Variants in CNTNAP2 observed in about 807,000 individuals in gnomAD.
CNTNAP2 encodes contactin associated protein 2, also known as contactin-associated protein-like 2.
Under a neutral mutation model 155.2 loss-of-function variants are expected in CNTNAP2, and 98 were observed. That is an observed-to-expected ratio of 0.63 (90% confidence interval 0.54 to 0.75). The LOEUF is 0.75. CNTNAP2 is among the 30% of genes least tolerant of loss of function. The probability of loss-of-function intolerance (pLI) is 0.00; values close to 1 mark genes in which losing one functional copy is unlikely to be tolerated. For missense variants in CNTNAP2, 1,727 were observed against 1,688.1 expected, an observed-to-expected ratio of 1.02 and a Z score of -0.40; for synonymous variants, 651 against 631.2, an observed-to-expected ratio of 1.03 and a Z score of -0.47.
intron 1 of CNTNAP2, among the ~76,000 whole-genome samples, chr7:146,319,360 A>G (rs1202418793): frequency 6.6e-6 from 1 of 152,186 alleles, no homozygotes; most frequent in Non-Finnish European, 1.5e-5. Flanking sequence ...TCACTGTCAT[A>G]TCATCATTTT....
At chr7:147,827,127 T>C (rs1023497976) in intron 13 of CNTNAP2, among the ~76,000 whole-genome samples, 6 of 152,080 alleles carry the variant, frequency 3.9e-5, no homozygotes, top group Non-Finnish European at 8.8e-5. Context: ...AGATGGGGTT[T>C]CGCCATTCAC....
At chr7:146,855,579 G>A (rs1057135018) in intron 3 of CNTNAP2, among the ~76,000 whole-genome samples, 12 of 151,808 alleles carry the variant, frequency 7.9e-5, no homozygotes, top group Non-Finnish European at 1.6e-4. Flanking sequence ...AAAGTACAAA[G>A]AGCGTTTATT....
At chr7:147,113,717 C>T (rs1383579672) in intron 5 of CNTNAP2, among the ~76,000 whole-genome samples, 9 of 152,104 alleles carry the variant, frequency 5.9e-5, no homozygotes, top group South Asian at 2.1e-4. Context: ...ATTCAAGATA[C>T]GATTTGGGTG....
chr7:147,091,309 T>C (rs1377619527), intron 4 of CNTNAP2, among the ~76,000 whole-genome samples: 1 of 152,046 alleles, frequency 6.6e-6, no homozygotes. Flanking sequence ...ACTACGTATT[T>C]CTTCGGTCAT....
chr7:146,286,799 C>G (rs930153110), intron 1 of CNTNAP2, among the ~76,000 whole-genome samples: 1 of 152,092 alleles, frequency 6.6e-6, no homozygotes, highest in Non-Finnish European at 1.5e-5. Context: ...TTCTTTAAAT[C>G]TATATGTAAT....
intron 3 of CNTNAP2, among the ~76,000 whole-genome samples, chr7:146,994,197 G>A (rs1163759396): frequency 6.6e-6 from 1 of 151,894 alleles, no homozygotes; most frequent in Non-Finnish European, 1.5e-5. Context: ...AGGGAGCTGG[G>A]TTTTGATTTT....
intron 2 of CNTNAP2, among the ~76,000 whole-genome samples, chr7:146,779,485 A>G (rs1474252505): frequency 1.3e-5 from 2 of 152,138 alleles, no homozygotes; most frequent in African/African-American, 4.8e-5. Context: ...TGCCTTTTTG[A>G]ATTAGCCCAA....
rs569362502 is a variant in CNTNAP2, at chr7:146,743,284, C to CT, written c.98-30985dup. On this transcript the variant is annotated intron_variant, in intron 1 of 23. Coordinates refer to ENST00000361727, the MANE Select transcript of CNTNAP2 (RefSeq NM_014141.6). The stretch of plus-strand genomic sequence containing the variant: ...CAAACAGGTATTCTATGACAAGGGA[C>CT]TTGAAAAGGTGGTGTGTTTGTGTCC... 3.7e-3 allele frequency among the ~76,000 whole-genome samples: 557 copies of CT among 152,206 alleles called. 2 individuals are homozygous for CT. Among genetic ancestry groups the CT allele is most frequent in the African/African-American group, 0.013 (523 of 41,538 alleles).
chr7:146,481,367 C>G (rs147981411), intron 1 of CNTNAP2, among the ~76,000 whole-genome samples: 100 of 152,300 alleles, frequency 6.6e-4, no homozygotes, highest in Admixed American at 2.0e-3. Context: ...AGAAACAGAT[C>G]TGGAGTTTAA....
rs1422768986 is a variant in CNTNAP2, at chr7:148,061,955, AT to A, written c.2384-56162del. 9.1e-3 allele frequency among the ~76,000 whole-genome samples: 180 copies of A among 19,694 alleles called. 1 individual carries two copies. Among genetic ancestry groups the A allele is most frequent in the African/African-American group, 0.032 (157 of 4,966 alleles). The allele number at this position is 19,694 out of a possible 152,430, so 12.9% of individuals were successfully genotyped here. On this transcript the variant is annotated intron_variant, in intron 15 of 23. Transcript: ENST00000361727. ...TAGATAGATAGATAGATAAACAGAT[AT>A]AGATAGATAGATAGATAGATAGATA...
intron 4 of CNTNAP2, among the ~76,000 whole-genome samples, chr7:147,095,186 A>ATTTTTTTTTTTT (rs36113270): frequency 4.4e-5 from 5 of 114,520 alleles, no homozygotes; most frequent in African/African-American, 9.6e-5. Flanking sequence ...CGCCTGGCTA[A>ATTTTTTTTTTTT]TTTTTTTTTT....
At chr7:146,455,270 A>G (rs1026636695) in intron 1 of CNTNAP2, among the ~76,000 whole-genome samples, 1 of 152,222 alleles carries the variant, frequency 6.6e-6, no homozygotes, top group Non-Finnish European at 1.5e-5. Context: ...TTATGCTTGA[A>G]AAGAAATATT....
intron 8 of CNTNAP2, among the ~76,000 whole-genome samples, chr7:147,247,178 A>G (rs1804087021): frequency 6.6e-6 from 1 of 152,230 alleles, no homozygotes; most frequent in African/African-American, 2.4e-5. Context: ...TACATTAAAG[A>G]TAATTTCTTG....
intron 2 of CNTNAP2, among the ~76,000 whole-genome samples, chr7:146,836,951 G>A (rs1324418888): frequency 6.6e-6 from 1 of 151,466 alleles, no homozygotes; most frequent in Non-Finnish European, 1.5e-5. Flanking sequence ...TTGTCATTTG[G>A]CTTGCATTAT....
chr7:148,372,566 G>A (rs866279305), intron 21 of CNTNAP2, among the ~76,000 whole-genome samples: 2 of 152,100 alleles, frequency 1.3e-5, no homozygotes, highest in South Asian at 4.2e-4. Flanking sequence ...AAATTAGCCT[G>A]GTGTGGTGGC....
intron 1 of CNTNAP2, among the ~76,000 whole-genome samples, chr7:146,191,925 AACAT>A (rs1255821743): frequency 2.6e-5 from 4 of 152,174 alleles, no homozygotes; most frequent in African/African-American, 7.2e-5. Flanking sequence ...GTCTTGAGGC[AACAT>A]ACATCCTCAG....
At chr7:147,717,312 C>T (rs569743152) in intron 13 of CNTNAP2, among the ~76,000 whole-genome samples, 8 of 152,206 alleles carry the variant, frequency 5.3e-5, no homozygotes, top group African/African-American at 1.7e-4. Context: ...CGAGGCGCAG[C>T]ATTGTAAGAC....
At chr7:148,282,909 C>T (rs193036097) in intron 21 of CNTNAP2, among the ~76,000 whole-genome samples, 6 of 151,962 alleles carry the variant, frequency 3.9e-5, no homozygotes, top group Admixed American at 3.9e-4. Flanking sequence ...TTTTGCATAC[C>T]CAATTGTTTT....
chr7:147,033,459 A>G (rs1172283822), intron 3 of CNTNAP2, among the ~76,000 whole-genome samples: 2 of 151,702 alleles, frequency 1.3e-5, no homozygotes, highest in African/African-American at 2.4e-5. Context: ...ACCCTTACAC[A>G]TTACCCTGGT....
Sources: gnomAD v4.1 joint callset for allele counts (sites outside exome capture counted in the v4.1 genomes callset) on GRCh38, gnomAD v4.1.1 for gene constraint, MANE v1.5 for transcripts, NCBI Gene and HGNC (gene_info 2026-07-23, HGNC 2026-07-21) for gene names.